The following MGMT variants were observed in gnomAD, a reference collection of about 807,000 sequenced individuals.
MGMT encodes methylated-DNA--protein-cysteine methyltransferase.
A neutral mutation model predicts 15.9 loss-of-function variants in MGMT; 14 were observed. That is an observed-to-expected ratio of 0.88 (90% confidence interval 0.58 to 1.37). The LOEUF (loss-of-function observed/expected upper bound fraction) is 1.37, where lower values mean the gene tolerates loss of function less well. Ranked by LOEUF, MGMT falls within the 40% of genes most tolerant of loss-of-function variation. The probability of loss-of-function intolerance (pLI) is 0.00; values close to 1 mark genes in which losing one functional copy is unlikely to be tolerated. For synonymous variants in MGMT, 130 were observed against 118.2 expected (o/e 1.10, Z -0.65); for missense variants, 282 against 268.1 (o/e 1.05, Z -0.36).
intron 2 of MGMT, among the ~76,000 whole-genome samples, chr10:129,564,864 A>C (rs140756455): frequency 0.033 from 4,948 of 151,740 alleles, 130 homozygotes; most frequent in South Asian, 0.064. Context: ...CGGGGCAGCC[A>C]CTGAGCAGAA....
intron 2 of MGMT, among the ~76,000 whole-genome samples, chr10:129,555,553 T>TA (rs200975717): frequency 0.043 from 6,282 of 145,214 alleles, 209 homozygotes; most frequent in South Asian, 0.068. Flanking sequence ...CAAAAAAACT[T>TA]AAAAAAAAAA....
intron 2 of MGMT, among the ~76,000 whole-genome samples, chr10:129,650,766 G>C (rs1332242622): frequency 1.3e-5 from 2 of 152,166 alleles, no homozygotes; most frequent in Non-Finnish European, 2.9e-5. Flanking sequence ...GTGAAGATGT[G>C]AGTTTCCCAA....
rs371970141 is a variant in MGMT, at chr10:129,539,500, CTTTTG to C, written c.125+3144_125+3148del. Reference sequence around the variant, plus strand: ...TTGGTTAGGTAGCTTTGTGATACATCTTTTGTTTTGTTTTGTTTTGTTTTGAGACG... The same window carrying C: ...TTGGTTAGGTAGCTTTGTGATACATCTTTTGTTTTGTTTTGTTTTGAGACG... On this transcript the variant is annotated intron_variant, in intron 2 of 4. Transcript: ENST00000651593. Among the ~76,000 whole-genome samples the C allele has an allele frequency of 1.2e-4, 19 of 152,132 alleles. No individual in the cohort carries two copies. The East Asian group carries it at 2.5e-3, about 20-fold the overall frequency.
intron 1 of MGMT, among the ~76,000 whole-genome samples, chr10:129,479,623 A>C (rs199718179): frequency 6.6e-6 from 1 of 152,156 alleles, no homozygotes; most frequent in East Asian, 1.9e-4. Flanking sequence ...GAGGTGGTGG[A>C]AAGCTTTTAT....
chr10:129,703,087 A>G (rs561769700), intron 2 of MGMT, among the ~76,000 whole-genome samples: 2 of 152,336 alleles, frequency 1.3e-5, no homozygotes, highest in East Asian at 1.9e-4. Flanking sequence ...TTTTAAATGT[A>G]GTATCATAAA....
intron 2 of MGMT, among the ~76,000 whole-genome samples, chr10:129,705,092 C>T (rs549082194): frequency 2.0e-4 from 30 of 152,228 alleles, no homozygotes; most frequent in Non-Finnish European, 3.8e-4. Context: ...CCTGCCGCCC[C>T]GTGGGCTTGG....
chr10:129,500,436 G>A (rs934889970), intron 1 of MGMT, among the ~76,000 whole-genome samples: 1 of 152,178 alleles, frequency 6.6e-6, no homozygotes, highest in African/African-American at 2.4e-5. Flanking sequence ...ACTCGAAATG[G>A]GACCTGAGGC....
At chr10:129,640,227 A>G (rs1205922057) in intron 2 of MGMT, among the ~76,000 whole-genome samples, 6 of 151,418 alleles carry the variant, frequency 4.0e-5, no homozygotes, top group African/African-American at 1.5e-4. Flanking sequence ...CCTCCTGAGT[A>G]GCTGGGACTA....
At chr10:129,570,358 T>C (rs1846403154) in intron 2 of MGMT, among the ~76,000 whole-genome samples, 1 of 152,270 alleles carries the variant, frequency 6.6e-6, no homozygotes, top group Non-Finnish European at 1.5e-5. Context: ...ACGAGTCCAG[T>C]GACGCTGATT....
At chr10:129,630,854 C>G (rs1051699288) in intron 2 of MGMT, among the ~76,000 whole-genome samples, 1 of 152,178 alleles carries the variant, frequency 6.6e-6, no homozygotes, top group Non-Finnish European at 1.5e-5. Flanking sequence ...AAAACATGGC[C>G]AGGCTGCTTC....
At chr10:129,728,359 C>T (rs1356392770) in intron 3 of MGMT, among the ~76,000 whole-genome samples, 1 of 152,104 alleles carries the variant, frequency 6.6e-6, no homozygotes, top group Non-Finnish European at 1.5e-5. Context: ...GGTGAGGCAG[C>T]ATAGGGAGTG....
intron 1 of MGMT, among the ~76,000 whole-genome samples, chr10:129,501,244 T>G (rs987169508): frequency 6.6e-6 from 1 of 152,216 alleles, no homozygotes; most frequent in Non-Finnish European, 1.5e-5. Flanking sequence ...CTTCCCTCTC[T>G]GGGCTTGGGC....
rs10634898 is a variant in MGMT, at chr10:129,660,775, A to AACACAC, written c.126-47101_126-47096dup. On this transcript the variant is annotated intron_variant, in intron 2 of 4. Transcript: ENST00000651593. ...ACAAAGAGGAAGATCCCCCACCCCC[A>AACACAC]ACACACACACACACACACACACACG... 4.7e-3 allele frequency among the ~76,000 whole-genome samples: 695 copies of AACACAC among 149,144 alleles called. 3 individuals are homozygous for AACACAC. Among genetic ancestry groups the AACACAC allele is most frequent in the African/African-American group, 0.016 (647 of 40,562 alleles).
At chr10:129,583,323 CT>C (rs1846579220) in intron 2 of MGMT, among the ~76,000 whole-genome samples, 1 of 152,150 alleles carries the variant, frequency 6.6e-6, no homozygotes, top group Non-Finnish European at 1.5e-5. Flanking sequence ...ATCAGAAGAC[CT>C]AATTCATTGT....
At chr10:129,491,780 G>GT (rs1215124058) in intron 1 of MGMT, among the ~76,000 whole-genome samples, 3 of 151,782 alleles carry the variant, frequency 2.0e-5, no homozygotes, top group Non-Finnish European at 4.4e-5. Context: ...TAGAATGCCC[G>GT]TTTTGTACTT....
intron 2 of MGMT, among the ~76,000 whole-genome samples, chr10:129,537,902 A>T (rs915778668): frequency 2.0e-5 from 3 of 152,274 alleles, no homozygotes; most frequent in African/African-American, 7.2e-5. Context: ...GGGTCTCCAG[A>T]TGGTGGTCCC....
intron 2 of MGMT, among the ~76,000 whole-genome samples, chr10:129,624,494 G>A (rs1386716589): frequency 6.6e-6 from 1 of 152,196 alleles, no homozygotes; most frequent in Non-Finnish European, 1.5e-5. Context: ...TCGAAATAGG[G>A]ATACATTAGG....
At chr10:129,656,498 G>A (rs1249836692) in intron 2 of MGMT, among the ~76,000 whole-genome samples, 3 of 152,200 alleles carry the variant, frequency 2.0e-5, no homozygotes, top group Non-Finnish European at 2.9e-5. Context: ...AATTTAGAAA[G>A]TTTATTTTGC....
At chr10:129,477,095 G>C (rs1189756108) in intron 1 of MGMT, among the ~76,000 whole-genome samples, 1 of 152,074 alleles carries the variant, frequency 6.6e-6, no homozygotes, top group Non-Finnish European at 1.5e-5. Flanking sequence ...GTGAGTGGGG[G>C]ACTCGTGTCC....
Sources: gnomAD v4.1 joint callset for allele counts (sites outside exome capture counted in the v4.1 genomes callset) on GRCh38, gnomAD v4.1.1 for gene constraint, MANE v1.5 for transcripts, NCBI Gene and HGNC (gene_info 2026-07-23, HGNC 2026-07-21) for gene names.